The following RIN3 variants were observed in gnomAD, a reference collection of about 807,000 sequenced individuals.
The protein encoded by RIN3 is Ras and Rab interactor 3.
RIN3 carries 54 observed loss-of-function variants against 76.3 expected under a neutral mutation model. The ratio of observed to expected loss-of-function variants is 0.71; its 90% CI spans 0.57 to 0.89. RIN3 has a LOEUF of 0.89. Among genes scored for constraint, RIN3 ranks in the 40% least tolerant of loss-of-function variants. The probability of loss-of-function intolerance (pLI) is 0.00; values close to 1 mark genes in which losing one functional copy is unlikely to be tolerated. For missense variants in RIN3, 1,256 were observed against 1,322.1 expected (o/e 0.95, Z 0.78); for synonymous variants, 576 against 564.0 (o/e 1.02, Z -0.30).
intron 3 of RIN3, among the ~76,000 whole-genome samples, chr14:92,584,676 G>A (rs1283450256): frequency 6.6e-6 from 1 of 152,168 alleles, no homozygotes; most frequent in East Asian, 1.9e-4. Flanking sequence ...GAAGGGCCGA[G>A]ACTCAAGATG....
chr14:92,524,389 G>C (rs1312041275), intron 1 of RIN3, among the ~76,000 whole-genome samples: 2 of 152,180 alleles, frequency 1.3e-5, no homozygotes, highest in East Asian at 3.9e-4. Context: ...GGAGTCTTCA[G>C]TGGCCACTTC....
intron 7 of RIN3, among the ~76,000 whole-genome samples, chr14:92,665,575 G>T (rs1595497255): frequency 1.3e-5 from 2 of 151,680 alleles, no homozygotes; most frequent in East Asian, 3.9e-4. Flanking sequence ...TAGAGATGGG[G>T]TTTCACCATG....
intron 1 of RIN3, among the ~76,000 whole-genome samples, chr14:92,532,443 A>G (rs1896905274): frequency 6.6e-6 from 1 of 152,024 alleles, no homozygotes; most frequent in Non-Finnish European, 1.5e-5. Flanking sequence ...TGGTCCTCAC[A>G]ACTAATCCCA....
intron 4 of RIN3, among the ~76,000 whole-genome samples, chr14:92,619,095 T>C (rs1249544773): frequency 6.6e-6 from 1 of 152,222 alleles, no homozygotes; most frequent in East Asian, 1.9e-4. Context: ...CATACAATTT[T>C]GTAACACATA....
chr14:92,580,029 C>T (rs1898385473), intron 3 of RIN3, among the ~76,000 whole-genome samples: 1 of 152,238 alleles, frequency 6.6e-6, no homozygotes, highest in South Asian at 2.1e-4. Flanking sequence ...AGCAGGTTAC[C>T]TTTCCTGCTA....
chr14:92,618,040 G>A (rs1256255592), intron 4 of RIN3, among the ~76,000 whole-genome samples: 3 of 152,184 alleles, frequency 2.0e-5, no homozygotes. Context: ...TAAGAGAAAT[G>A]AACCAATGTT....
chr14:92,581,933 C>T (rs189679425), intron 3 of RIN3, among the ~76,000 whole-genome samples: 150 of 152,220 alleles, frequency 9.9e-4, no homozygotes, highest in African/African-American at 3.2e-3. Flanking sequence ...AGGATTCTGG[C>T]GAAACTGACC....
intron 1 of RIN3, among the ~76,000 whole-genome samples, chr14:92,526,668 G>A (rs1418150356): frequency 3.3e-5 from 5 of 151,596 alleles, no homozygotes; most frequent in African/African-American, 7.3e-5. Context: ...CAGGAAAATC[G>A]CTTGAACCTG....
chr14:92,537,007 T>C (rs936130765), intron 1 of RIN3, among the ~76,000 whole-genome samples: 1 of 60,334 alleles, frequency 1.7e-5, no homozygotes, highest in Non-Finnish European at 3.4e-5. Context: ...GATTTAAAAA[T>C]ATATATATAT....
chr14:92,612,318 G>A (rs1201610812), intron 3 of RIN3, among the ~76,000 whole-genome samples: 1 of 152,178 alleles, frequency 6.6e-6, no homozygotes, highest in Admixed American at 6.5e-5. Context: ...CAGTCTAGAA[G>A]CTAAGCCCAC....
intron 3 of RIN3, among the ~76,000 whole-genome samples, chr14:92,611,591 T>G (rs1271266200): frequency 2.6e-5 from 4 of 152,146 alleles, no homozygotes; most frequent in African/African-American, 9.7e-5. Context: ...AACCGTTGGA[T>G]TTAGGGCCCA....
intron 5 of RIN3, among the ~76,000 whole-genome samples, chr14:92,646,196 G>T (rs749998456): frequency 1.3e-5 from 2 of 152,072 alleles, no homozygotes; most frequent in African/African-American, 2.4e-5. Context: ...CTCTGCCTGC[G>T]CTATGCCCTG....
In RIN3 at chr14:92,561,042, A is replaced by ATATATATATATATATATATATATATATAT. The variant is rs1461986249; in HGVS notation, c.249+5087_249+5088insTATATATATATATATATATATATATATAT. The stretch of plus-strand genomic sequence containing the variant: ...GTCTAAAAAAAAAAAAAAAAAAAAA[A>ATATATATATATATATATATATATATATAT]AAATATATATATATCTGCCATATAT... On this transcript the variant is annotated intron_variant, in intron 2 of 9. Transcript: ENST00000216487. Among the ~76,000 whole-genome samples the ATATATATATATATATATATATATATATAT allele has an allele frequency of 3.8e-3, 74 of 19,300 alleles. 4 individuals carry two copies. The highest frequency in any genetic ancestry group is 0.1 in the Middle Eastern group (1 of 10). 12.7% of individuals were successfully genotyped at this position (19,300 alleles called of 152,430 possible). A position where few individuals can be genotyped will look rare whatever the true frequency, so the allele number is the denominator to read the frequency against.
At chr14:92,612,723 G>A (rs1885792851) in intron 3 of RIN3, among the ~76,000 whole-genome samples, 1 of 152,246 alleles carries the variant, frequency 6.6e-6, no homozygotes, top group Non-Finnish European at 1.5e-5. Context: ...CTGGGGCCAG[G>A]GGAGAGGTTT....
At chr14:92,624,349 A>G (rs1383193143) in intron 4 of RIN3, among the ~76,000 whole-genome samples, 1 of 152,198 alleles carries the variant, frequency 6.6e-6, no homozygotes, top group Non-Finnish European at 1.5e-5. Flanking sequence ...CTCCCATACC[A>G]TAGAAACGGT....
At chr14:92,654,437 G>A (rs1000400816) in intron 6 of RIN3, among the ~76,000 whole-genome samples, 1 of 152,210 alleles carries the variant, frequency 6.6e-6, no homozygotes, top group Non-Finnish European at 1.5e-5. Flanking sequence ...TACTGCCCCA[G>A]CCGTCCCCTG....
intron 3 of RIN3, among the ~76,000 whole-genome samples, chr14:92,581,933 C>A (rs189679425): frequency 6.6e-6 from 1 of 152,104 alleles, no homozygotes; most frequent in African/African-American, 2.4e-5. Flanking sequence ...AGGATTCTGG[C>A]GAAACTGACC....
At chr14:92,655,030 TG>T (rs1396563022) in intron 6 of RIN3, among the ~76,000 whole-genome samples, 1 of 152,064 alleles carries the variant, frequency 6.6e-6, no homozygotes, top group Non-Finnish European at 1.5e-5. Context: ...CCAGGTGTGG[TG>T]GCGCGCACCT....
chr14:92,579,541 C>T (rs146629319), intron 3 of RIN3, among the ~76,000 whole-genome samples: 1 of 152,350 alleles, frequency 6.6e-6, no homozygotes, highest in African/African-American at 2.4e-5. Flanking sequence ...ATCCAAACAG[C>T]CTGTTAGAAG....
Sources: allele counts gnomAD v4.1 joint callset (sites outside exome capture counted in the v4.1 genomes callset), GRCh38; gene constraint gnomAD v4.1.1; transcripts MANE v1.5; gene names NCBI Gene and HGNC (gene_info 2026-07-23, HGNC 2026-07-21).